Variants in PTPRD observed in about 807,000 individuals in gnomAD.
PTPRD encodes protein tyrosine phosphatase receptor type D.
A neutral mutation model predicts 214.5 loss-of-function variants in PTPRD; 34 were observed. The ratio of observed to expected loss-of-function variants is 0.16; its 90% CI spans 0.12 to 0.21. The LOEUF is 0.21. Among genes scored for constraint, PTPRD ranks in the 10% least tolerant of loss-of-function variants. The probability of loss-of-function intolerance (pLI) is 1.00; values close to 1 mark genes in which losing one functional copy is unlikely to be tolerated. For synonymous variants in PTPRD, 1,128 were observed against 845.7 expected (o/e 1.33, Z -5.79); for missense variants, 2,545 against 2,398.7 (o/e 1.06, Z -1.27).
At chr9:8,577,775 G>A (rs2092606791) in intron 14 of PTPRD, among the ~76,000 whole-genome samples, 1 of 152,056 alleles carries the variant, frequency 6.6e-6, no homozygotes, top group Non-Finnish European at 1.5e-5. Context: ...GCATCACCTG[G>A]GAACTCATTA....
chr9:9,329,028 TTATCTTTTTGTTCTTTGAG>T (rs2041273364), intron 9 of PTPRD, among the ~76,000 whole-genome samples: 1 of 152,096 alleles, frequency 6.6e-6, no homozygotes, highest in African/African-American at 2.4e-5. Flanking sequence ...TTTTCTTTCT[TTATCTTTTTGTTCTTTGAG>T]AACATCTGTC....
chr9:10,347,781 T>C (rs557707998), intron 2 of PTPRD, among the ~76,000 whole-genome samples: 1 of 151,988 alleles, frequency 6.6e-6, no homozygotes, highest in East Asian at 2.0e-4. Context: ...CAATAGGCTG[T>C]GAGCAGTGGC....
rs761564011 is a variant in PTPRD at position 8,891,137 on chromosome 9, A to ATTT, written c.-104+127557_-104+127559dup. On this transcript the variant is annotated intron_variant, in intron 11 of 45. Transcript: ENST00000381196. ...AACTTCTGTGCTTTGAATTAATCTA[A>ATTT]TTTTTTTTTTTTTTGAGACTGAGTC... Among the ~76,000 whole-genome samples, 4 of 123,626 alleles carry ATTT rather than the reference A, an allele frequency of 3.2e-5. 1 individual carries two copies. Among genetic ancestry groups the ATTT allele is most frequent in the East Asian group, 2.2e-4 (1 of 4,604 alleles). 81.1% of individuals were successfully genotyped at this position (123,626 alleles called of 152,430 possible). A position where few individuals can be genotyped will look rare whatever the true frequency, so the allele number is the denominator to read the frequency against.
At chr9:9,521,671 C>G (rs973199896) in intron 8 of PTPRD, among the ~76,000 whole-genome samples, 1 of 151,764 alleles carries the variant, frequency 6.6e-6, no homozygotes, top group Non-Finnish European at 1.5e-5. Flanking sequence ...CCCTATGCCT[C>G]GTAAATGACA....
intron 5 of PTPRD, among the ~76,000 whole-genome samples, chr9:9,831,539 G>C (rs866605905): frequency 6.6e-6 from 1 of 151,858 alleles, no homozygotes; most frequent in African/African-American, 2.4e-5. Flanking sequence ...GTTGCTCATC[G>C]TAAGATTGAA....
intron 2 of PTPRD, among the ~76,000 whole-genome samples, chr9:10,487,195 G>T (rs7865601): frequency 0.02 from 3,118 of 152,130 alleles, 104 homozygotes; most frequent in African/African-American, 0.069. Context: ...CCTTATAGGT[G>T]AAGTGTGTTT....
chr9:8,467,380 A>G (rs899464816), intron 31 of PTPRD, among the ~76,000 whole-genome samples: 1 of 151,870 alleles, frequency 6.6e-6, no homozygotes, highest in Admixed American at 6.6e-5. Flanking sequence ...AATTATAACA[A>G]TAATAGTTTT....
chr9:10,308,782 AG>A (rs566444590), intron 3 of PTPRD, among the ~76,000 whole-genome samples: 86 of 152,106 alleles, frequency 5.7e-4, no homozygotes, highest in African/African-American at 2.0e-3. Flanking sequence ...CTCCTCAAGC[AG>A]TTCGTTTCTA....
chr9:10,160,479 A>G (rs2099120915), intron 3 of PTPRD, among the ~76,000 whole-genome samples: 1 of 152,014 alleles, frequency 6.6e-6, no homozygotes, highest in Admixed American at 6.6e-5. Flanking sequence ...AACAAAAACC[A>G]TATGGTTATT....
At chr9:10,213,460 G>A (rs576054620) in intron 3 of PTPRD, among the ~76,000 whole-genome samples, 1 of 152,166 alleles carries the variant, frequency 6.6e-6, no homozygotes, top group East Asian at 1.9e-4. Flanking sequence ...TCAGGTGGAT[G>A]CAGAGGACTT....
At chr9:8,613,859 C>A (rs924424190) in intron 14 of PTPRD, among the ~76,000 whole-genome samples, 1 of 152,232 alleles carries the variant, frequency 6.6e-6, no homozygotes, top group East Asian at 1.9e-4. Flanking sequence ...CTCAGCCCAA[C>A]TGTCTTTTCT....
chr9:9,095,623 T>G (rs1287017592), intron 10 of PTPRD, among the ~76,000 whole-genome samples: 1 of 152,088 alleles, frequency 6.6e-6, no homozygotes, highest in Non-Finnish European at 1.5e-5. Flanking sequence ...CCACCACACC[T>G]GGTTTGGACA....
intron 3 of PTPRD, among the ~76,000 whole-genome samples, chr9:10,312,560 T>G (rs189152369): frequency 6.6e-6 from 1 of 152,134 alleles, no homozygotes; most frequent in East Asian, 1.9e-4. Context: ...AGAAAAGATT[T>G]GCCTGCATCC....
At chr9:9,086,415 C>T (rs73641212) in intron 10 of PTPRD, among the ~76,000 whole-genome samples, 2 of 152,148 alleles carry the variant, frequency 1.3e-5, no homozygotes, top group African/African-American at 2.4e-5. Context: ...AGCTGTCCCT[C>T]TTAAGAAGGC....
intron 2 of PTPRD, among the ~76,000 whole-genome samples, chr9:10,476,914 G>A (rs1589050793): frequency 1.3e-5 from 2 of 152,250 alleles, no homozygotes; most frequent in Admixed American, 6.5e-5. Context: ...AAATGGTGCT[G>A]TAAAAACAAG....
chr9:9,897,500 T>A (rs1419911129), intron 5 of PTPRD, among the ~76,000 whole-genome samples: 1 of 152,094 alleles, frequency 6.6e-6, no homozygotes. Context: ...ATATTTTTCA[T>A]CTATTTTTTT....
chr9:9,394,834 T>G (rs956897535), intron 9 of PTPRD, among the ~76,000 whole-genome samples: 2 of 152,098 alleles, frequency 1.3e-5, no homozygotes, highest in Non-Finnish European at 2.9e-5. Context: ...TCTGGGATGA[T>G]TATTAAAATC....
intron 5 of PTPRD, among the ~76,000 whole-genome samples, chr9:9,921,441 A>G (rs953546750): frequency 1.3e-5 from 2 of 152,104 alleles, no homozygotes; most frequent in Non-Finnish European, 2.9e-5. Context: ...ATGATTTAAG[A>G]GCTATGACAC....
intron 11 of PTPRD, among the ~76,000 whole-genome samples, chr9:8,864,570 G>T (rs974239621): frequency 6.6e-6 from 1 of 152,140 alleles, no homozygotes; most frequent in Non-Finnish European, 1.5e-5. Flanking sequence ...TATTTTTAAA[G>T]GTTCTTTCTA....
Sources: allele counts gnomAD v4.1 joint callset (sites outside exome capture counted in the v4.1 genomes callset), GRCh38; gene constraint gnomAD v4.1.1; transcripts MANE v1.5; gene names NCBI Gene and HGNC (gene_info 2026-07-23, HGNC 2026-07-21).